Variants in CPED1 observed in about 807,000 individuals in gnomAD.
CPED1 encodes the protein cadherin like and PC-esterase domain containing 1.
CPED1 carries 114 observed loss-of-function variants against 128.2 expected under a neutral mutation model. The observed-to-expected ratio is 0.89, with a 90% CI of 0.76 to 1.04. The LOEUF is 1.04. CPED1 is among the 50% of genes least tolerant of loss of function. CPED1 has a pLI of 0.00. For synonymous variants in CPED1, 462 were observed against 426.7 expected (o/e 1.08, Z -1.02); for missense variants, 1,211 against 1,207.1 (o/e 1.00, Z -0.05).
At chr7:121,010,716 T>C (rs984552154) in intron 2 of CPED1, among the ~76,000 whole-genome samples, 1 of 152,188 alleles carries the variant, frequency 6.6e-6, no homozygotes, top group Non-Finnish European at 1.5e-5. Context: ...GGAGTAGTTC[T>C]GAGAAATGTG....
At chr7:121,087,665 C>CTTTTTTTTTTTTTTTTTTTT (rs72453872) in intron 5 of CPED1, among the ~76,000 whole-genome samples, 10 of 131,570 alleles carry the variant, frequency 7.6e-5, no homozygotes, top group African/African-American at 2.8e-4. Context: ...CTTTTCTTTC[C>CTTTTTTTTTTTTTTTTTTTT]TGTTTTTTTT....
rs574291545 is a variant in CPED1, at chr7:121,093,675, C to T, written c.617-4024C>T. ...GGGAATATTTGTTGCCAGGCTCCTT[C>T]CCCTCTGGACCCTGGCTTGAAAGTG... is the stretch of plus-strand genomic sequence containing the variant. On this transcript the variant is annotated intron_variant, in intron 5 of 22. Coordinates refer to ENST00000310396, the MANE Select transcript of CPED1 (RefSeq NM_024913.5). Among the ~76,000 whole-genome samples the T allele has an allele frequency of 8.9e-4, 136 of 152,246 alleles. 3 individuals are homozygous for T. Among genetic ancestry groups the T allele is most frequent in the Admixed American group, 2.1e-3 (32 of 15,270 alleles).
intron 16 of CPED1, among the ~76,000 whole-genome samples, chr7:121,196,307 A>T (rs1269594157): frequency 6.6e-6 from 1 of 152,014 alleles, no homozygotes; most frequent in South Asian, 2.1e-4. Context: ...TGTGGGCCCT[A>T]TGAGAAAGCT....
chr7:121,245,610 A>C (rs897627645), intron 18 of CPED1, among the ~76,000 whole-genome samples: 4 of 152,104 alleles, frequency 2.6e-5, no homozygotes, highest in African/African-American at 9.7e-5. Context: ...AGATATTATC[A>C]TATCTTTTTT....
At chr7:121,126,809 T>C (rs1795515288) in intron 9 of CPED1, among the ~76,000 whole-genome samples, 2 of 152,126 alleles carry the variant, frequency 1.3e-5, no homozygotes, top group Non-Finnish European at 2.9e-5. Context: ...TGTATTATCT[T>C]CCATGAAAGC....
At position 121,128,427 on chromosome 7, in the gene CPED1, G is replaced by T. The variant is rs1795562390; in HGVS notation, c.1348G>T (p.Glu450Ter). The change falls in exon 11 of 23, where the codon GAA (glutamate) becomes TAA (stop). Residue 450 changes from glutamate (E) to a stop codon, truncating the protein, a stop_gained. Transcript: ENST00000310396. LOFTEE classifies it high-confidence loss of function. ...KELNQCLSLE[E>*]INSIMTFIKE... ...ACTAAATCAGTGTCTGTCCTTAGAA[G>T]AAATTAACTCAATTATGACTTTCAT... is the stretch of plus-strand genomic sequence containing the variant. 6.2e-7 allele frequency: 1 copy of T among 1,605,026 alleles called. No individual in the cohort carries two copies. The highest frequency in any genetic ancestry group is 8.5e-7 in the Non-Finnish European group (1 of 1,172,164).
In CPED1 at chr7:121,233,998, A is replaced by G. The variant is rs988413869; in HGVS notation, c.2056-2716A>G. On this transcript the variant is annotated intron_variant, in intron 16 of 22. Transcript: ENST00000310396. ...AGAAAGAGGAAACAGAGTGATCAAG[A>G]AAAAGTGGCATCAGGAAAGGAAAAC... 2.5e-4 allele frequency among the ~76,000 whole-genome samples: 38 copies of G among 152,112 alleles called. 1 individual carries two copies.
chr7:121,184,964 A>G (rs373496353), intron 16 of CPED1, among the ~76,000 whole-genome samples: 1 of 152,148 alleles, frequency 6.6e-6, no homozygotes, highest in Admixed American at 6.6e-5. Flanking sequence ...AGTGAAGCAG[A>G]CACAGTGATT....
At chr7:121,114,843 C>T (rs1057470065) in intron 7 of CPED1, among the ~76,000 whole-genome samples, 1 of 152,164 alleles carries the variant, frequency 6.6e-6, no homozygotes, top group Admixed American at 6.5e-5. Flanking sequence ...AAAAATAATG[C>T]ACTTTTGTAG....
intron 17 of CPED1, among the ~76,000 whole-genome samples, chr7:121,242,072 G>A (rs924797020): frequency 4.6e-5 from 7 of 152,116 alleles, no homozygotes; most frequent in Middle Eastern, 3.2e-3. Flanking sequence ...GTTGAGGTCC[G>A]CAGGGCCAGT....
chr7:121,189,578 G>C (rs1797080484), intron 16 of CPED1, among the ~76,000 whole-genome samples: 1 of 151,528 alleles, frequency 6.6e-6, no homozygotes, highest in African/African-American at 2.4e-5. Context: ...ATGAGATTTG[G>C]GTGGGGGGAC....
intron 5 of CPED1, among the ~76,000 whole-genome samples, chr7:121,075,706 C>T (rs1392136178): frequency 2.6e-5 from 4 of 152,102 alleles, no homozygotes; most frequent in African/African-American, 9.7e-5. Flanking sequence ...TCACGTGATC[C>T]ACCCATCAAT....
intron 5 of CPED1, among the ~76,000 whole-genome samples, chr7:121,093,054 C>T (rs1023008434): frequency 3.9e-5 from 6 of 152,104 alleles, no homozygotes; most frequent in African/African-American, 1.4e-4. Flanking sequence ...TAGCAACTGG[C>T]ACAACTTAGA....
chr7:121,160,721 A>G (rs1195021119), intron 16 of CPED1, among the ~76,000 whole-genome samples: 1 of 152,200 alleles, frequency 6.6e-6, no homozygotes, highest in Non-Finnish European at 1.5e-5. Flanking sequence ...AGGTAGAGCT[A>G]TATCTGTCCC....
intron 16 of CPED1, among the ~76,000 whole-genome samples, chr7:121,178,799 G>T (rs1413190201): frequency 1.3e-5 from 2 of 152,072 alleles, no homozygotes; most frequent in African/African-American, 4.8e-5. Context: ...GAATTTTTAA[G>T]GTACAGGTAG....
intron 4 of CPED1, among the ~76,000 whole-genome samples, chr7:121,055,118 G>T (rs1487852006): frequency 6.6e-6 from 1 of 152,026 alleles, no homozygotes; most frequent in Admixed American, 6.5e-5. Flanking sequence ...AAGACATCTG[G>T]ATTTGTTCCA....
At chr7:121,090,301 C>T (rs1563021752) in intron 5 of CPED1, among the ~76,000 whole-genome samples, 1 of 152,144 alleles carries the variant, frequency 6.6e-6, no homozygotes, top group Non-Finnish European at 1.5e-5. Flanking sequence ...ATTGTGTCTC[C>T]ACTTCACTGG....
intron 16 of CPED1, among the ~76,000 whole-genome samples, chr7:121,151,766 G>A (rs1233196329): frequency 1.3e-5 from 2 of 152,168 alleles, no homozygotes; most frequent in African/African-American, 2.4e-5. Context: ...CAAAGCCATT[G>A]GTGTGCTTTC....
In CPED1 at chr7:121,145,141, AT is replaced by A. The variant is rs567642462; in HGVS notation, c.2055+3001del. ...ATCAACTATACATGTGTATTTGTGT[AT>A]ATATATATATAAATTATGTATACTG... On this transcript the variant is annotated intron_variant, in intron 16 of 22. Transcript: ENST00000310396. Among the ~76,000 whole-genome samples the A allele has an allele frequency of 1.8e-4, 27 of 151,248 alleles. No individual in the cohort carries two copies. The South Asian group carries it at 5.6e-3, about 32-fold the overall frequency.
Sources: allele counts gnomAD v4.1 joint callset (sites outside exome capture counted in the v4.1 genomes callset), GRCh38; gene constraint gnomAD v4.1.1; transcripts MANE v1.5; gene names NCBI Gene and HGNC (gene_info 2026-07-23, HGNC 2026-07-21).